Variants in TIAM2 observed in about 807,000 individuals in gnomAD.
TIAM2 encodes the protein rho guanine nucleotide exchange factor TIAM2.
TIAM2 carries 80 observed loss-of-function variants against 152.9 expected under a neutral mutation model. The observed-to-expected ratio is 0.52, with a 90% CI of 0.44 to 0.63. The LOEUF is 0.63. Among genes scored for constraint, TIAM2 ranks in the 30% least tolerant of loss-of-function variants. The probability of loss-of-function intolerance (pLI) is 0.00; values close to 1 mark genes in which losing one functional copy is unlikely to be tolerated. For synonymous variants in TIAM2, 804 were observed against 838.0 expected, an observed-to-expected ratio of 0.96 and a Z score of 0.70; for missense variants, 1,965 against 2,120.1, an observed-to-expected ratio of 0.93 and a Z score of 1.44.
chr6:155,068,150 C>A (rs544724410), intron 1 of TIAM2, among the ~76,000 whole-genome samples: 54 of 152,264 alleles, frequency 3.5e-4, no homozygotes, highest in African/African-American at 1.2e-3. Context: ...CTGCCACAGG[C>A]GCCAGAGTTT....
chr6:155,250,792 A>G, intron 21 of TIAM2, 121 bp from the exon 22 acceptor site: 1 of 1,199,674 alleles, frequency 8.3e-7, no homozygotes, highest in Non-Finnish European at 1.2e-6. Context: ...TACAGGTATC[A>G]TAAAAATTAA....
Position 155,152,721 on chromosome 6 carries a change from C to T in TIAM2, c.2028+4387C>T, listed in dbSNP as rs1024240732. On this transcript the variant is annotated intron_variant, in intron 7 of 26. Transcript: ENST00000682666. ...GAAGGGATGCCCAGCTTGGAGTTTT[C>T]AGGTCTTTGGGTAGGGTCAGATGTT... Among the ~76,000 whole-genome samples the T allele has an allele frequency of 7.9e-5, 12 of 152,112 alleles. 1 individual carries two copies. Among genetic ancestry groups the T allele is most frequent in the East Asian group, 3.9e-4 (2 of 5,176 alleles).
At chr6:155,014,889 G>T (rs745402705) in intron 1 of TIAM2, among the ~76,000 whole-genome samples, 35 of 152,254 alleles carry the variant, frequency 2.3e-4, no homozygotes, top group Non-Finnish European at 4.4e-4. Context: ...AAGCAATGGG[G>T]CAGGCTCATG....
chr6:155,183,463 G>T lies in TIAM2; in HGVS notation c.3027G>T (p.Glu1009Asp). The change falls in exon 14 of 27, where the codon GAG becomes GAT. Residue 1009 changes from glutamate to aspartate, a missense_variant. Glu to Asp is a conservative substitution (Grantham distance 45). Coordinates refer to ENST00000682666, the MANE Select transcript of TIAM2 (RefSeq NM_012454.4). ...LPPPNQSQLL[E>D]EFLDNFKKNT... ...CTCCTAACCAGTCCCAACTGCTGGA[G>T]GAATTCCTGGATAACTTTAAAAAGA... 1 of 1,613,656 alleles carries T rather than the reference G, an allele frequency of 6.2e-7. No homozygotes were observed. The highest frequency in any genetic ancestry group is 8.5e-7 in the Non-Finnish European group (1 of 1,179,894).
chr6:155,141,839 A>T (rs1260150407), intron 5 of TIAM2, among the ~76,000 whole-genome samples: 1 of 152,162 alleles, frequency 6.6e-6, no homozygotes, highest in Non-Finnish European at 1.5e-5. Flanking sequence ...GAAAAGGTGG[A>T]TTTGAGGGAA....
chr6:155,048,587 A>C (rs1206170353), intron 1 of TIAM2, among the ~76,000 whole-genome samples: 1 of 152,138 alleles, frequency 6.6e-6, no homozygotes, highest in Non-Finnish European at 1.5e-5. Flanking sequence ...GGGATAAAGA[A>C]GTCGGGATTC....
intron 1 of TIAM2, among the ~76,000 whole-genome samples, chr6:155,075,999 A>T (rs1264776893): frequency 6.6e-6 from 1 of 152,192 alleles, no homozygotes; most frequent in Non-Finnish European, 1.5e-5. Context: ...CTGTTAAACC[A>T]CGCCAACAAC....
chr6:155,058,290 C>T (rs1777497625), intron 1 of TIAM2, among the ~76,000 whole-genome samples: 1 of 152,046 alleles, frequency 6.6e-6, no homozygotes. Context: ...CAAGTGGCTC[C>T]ATCTCAGGCC....
chr6:155,130,637 C>G (rs1397636630), intron 4 of TIAM2, among the ~76,000 whole-genome samples: 2 of 152,176 alleles, frequency 1.3e-5, no homozygotes, highest in Non-Finnish European at 2.9e-5. Context: ...CTTTAATCTT[C>G]CCATGTCTTA....
At chr6:155,002,143 T>G (rs192021919) in intron 1 of TIAM2, among the ~76,000 whole-genome samples, 1 of 152,318 alleles carries the variant, frequency 6.6e-6, no homozygotes, top group Admixed American at 6.5e-5. Context: ...GTGTAGTGGC[T>G]CACGCCCATA....
rs561916630 is a variant in TIAM2, at chr6:155,138,261, T to G, written c.1630+649T>G. 2.2e-4 allele frequency among the ~76,000 whole-genome samples: 34 copies of G among 152,310 alleles called. 1 individual carries two copies. Among genetic ancestry groups the G allele is most frequent in the African/African-American group, 7.2e-4 (30 of 41,576 alleles). The stretch of plus-strand genomic sequence containing the variant: ...AAAAAAGTCAGTAACCAAAGGTAGT[T>G]TAGTTGTTTGGAAGGCAGCTTCTGA... On this transcript the variant is annotated intron_variant, in intron 5 of 26. Coordinates refer to ENST00000682666, the MANE Select transcript of TIAM2 (RefSeq NM_012454.4).
At chr6:155,010,936 C>T (rs565608987) in intron 1 of TIAM2, among the ~76,000 whole-genome samples, 17 of 151,370 alleles carry the variant, frequency 1.1e-4, no homozygotes, top group East Asian at 3.9e-4. Flanking sequence ...CCTAGCTACT[C>T]GGGAGGCTGA....
intron 2 of TIAM2, among the ~76,000 whole-genome samples, chr6:155,108,929 C>A (rs1778762404): frequency 1.3e-5 from 2 of 152,028 alleles, no homozygotes; most frequent in South Asian, 4.2e-4. Flanking sequence ...TTGTAAGATT[C>A]CCTTATGTGA....
chr6:155,202,701 T>A (rs1278523621), intron 14 of TIAM2, among the ~76,000 whole-genome samples: 1 of 151,478 alleles, frequency 6.6e-6, no homozygotes, highest in East Asian at 1.9e-4. Flanking sequence ...GTTCTCGGAT[T>A]ATAGGCATGA....
intron 15 of TIAM2, among the ~76,000 whole-genome samples, chr6:155,225,650 A>G (rs192954240): frequency 3.1e-4 from 47 of 152,306 alleles, no homozygotes; most frequent in African/African-American, 1.1e-3. Flanking sequence ...TTCTATTTTT[A>G]AGAAGTTTGA....
chr6:155,047,500 C>T (rs1777202964), intron 1 of TIAM2, among the ~76,000 whole-genome samples: 1 of 152,072 alleles, frequency 6.6e-6, no homozygotes, highest in South Asian at 2.1e-4. Flanking sequence ...GTTCTTTAAG[C>T]CTTAAACGTG....
At chr6:155,168,754 G>T in intron 9 of TIAM2, 1 of 1,080,504 alleles carries the variant, frequency 9.3e-7, no homozygotes, top group Non-Finnish European at 1.3e-6. Context: ...AAATGTTATA[G>T]AACTTTAGTT....
intron 14 of TIAM2, among the ~76,000 whole-genome samples, chr6:155,192,781 T>C (rs564499115): frequency 5.1e-4 from 78 of 152,324 alleles, no homozygotes; most frequent in African/African-American, 1.6e-3. Flanking sequence ...GTGGAAGTTA[T>C]TTAAAGAAAA....
intron 4 of TIAM2, among the ~76,000 whole-genome samples, chr6:155,133,739 C>G: frequency 6.9e-6 from 1 of 144,702 alleles, no homozygotes; most frequent in Middle Eastern, 3.6e-3. Context: ...AGTTTTTACT[C>G]TTTTTTTTTT....
Sources: allele counts gnomAD v4.1 joint callset (sites outside exome capture counted in the v4.1 genomes callset), GRCh38; gene constraint gnomAD v4.1.1; transcripts MANE v1.5; gene names NCBI Gene and HGNC (gene_info 2026-07-23, HGNC 2026-07-21).